The following MYO3B variants were observed in gnomAD, a reference collection of about 807,000 sequenced individuals.
MYO3B encodes myosin IIIB.
Under a neutral mutation model 174.6 loss-of-function variants are expected in MYO3B, and 156 were observed. The observed-to-expected ratio is 0.89, with a 90% CI of 0.78 to 1.02. MYO3B has a LOEUF of 1.02. MYO3B is among the 50% of genes least tolerant of loss of function. MYO3B has a pLI of 0.00. For synonymous variants in MYO3B, 563 were observed against 569.1 expected (o/e 0.99, Z 0.15); for missense variants, 1,632 against 1,639.4 (o/e 1.00, Z 0.08).
chr2:170,401,351 A>T, intron 17 of MYO3B, 130 bp from the exon 18 acceptor site: 1 of 777,930 alleles, frequency 1.3e-6, no homozygotes, highest in Non-Finnish European at 2.1e-6. Flanking sequence ...TTAGGGATCT[A>T]GCCTGTTTAT....
At chr2:170,380,931 C>G (rs968116321) in intron 9 of MYO3B, among the ~76,000 whole-genome samples, 2 of 152,118 alleles carry the variant, frequency 1.3e-5, no homozygotes, top group African/African-American at 4.8e-5. Flanking sequence ...GCCTGGACAA[C>G]AAAGCAAAAC....
At chr2:170,489,698 T>A (rs1254090790) in intron 25 of MYO3B, among the ~76,000 whole-genome samples, 2 of 149,506 alleles carry the variant, frequency 1.3e-5, no homozygotes, top group Admixed American at 1.3e-4. Context: ...TGTGGGTAAG[T>A]GTGTGTGGTG....
intron 7 of MYO3B, among the ~76,000 whole-genome samples, chr2:170,245,176 G>T (rs1401992054): frequency 6.6e-6 from 1 of 152,170 alleles, no homozygotes; most frequent in East Asian, 1.9e-4. Context: ...TCAAGGAAGG[G>T]GTGGTTGGTG....
intron 7 of MYO3B, among the ~76,000 whole-genome samples, chr2:170,316,382 A>C (rs1186756451): frequency 6.6e-6 from 1 of 152,188 alleles, no homozygotes; most frequent in African/African-American, 2.4e-5. Context: ...TCTTCCAAAG[A>C]ATTTGTTTTT....
At chr2:170,518,316 G>T (rs899199235) in intron 29 of MYO3B, among the ~76,000 whole-genome samples, 1 of 152,110 alleles carries the variant, frequency 6.6e-6, no homozygotes, top group Non-Finnish European at 1.5e-5. Context: ...TCCACAGTAA[G>T]TCACAATTCC....
At chr2:170,430,999 C>T (rs1224036781) in intron 22 of MYO3B, among the ~76,000 whole-genome samples, 1 of 152,100 alleles carries the variant, frequency 6.6e-6, no homozygotes, top group Non-Finnish European at 1.5e-5. Flanking sequence ...TGATTTTGCC[C>T]AGGACCATCC....
At chr2:170,400,420 T>TTTTTTA (rs1553482693) in intron 17 of MYO3B, 106 bp downstream of exon 17, 4 of 1,213,204 alleles carry the variant, frequency 3.3e-6, no homozygotes, top group Admixed American at 2.5e-5. Context: ...TTTTTTTTTT[T>TTTTTTA]ATCGAGATGG....
chr2:170,634,015 C>T (rs1012625158), intron 32 of MYO3B, among the ~76,000 whole-genome samples: 3 of 152,126 alleles, frequency 2.0e-5, no homozygotes, highest in Non-Finnish European at 4.4e-5. Context: ...TAGGAAGAAT[C>T]AATATTGTGA....
In MYO3B at chr2:170,400,315, G is replaced by T. The variant is rs1442598497; in HGVS notation, c.1918+1G>T. The T allele has an allele frequency of 1.2e-6, 2 of 1,613,574 alleles. No individual in the cohort carries two copies. Among genetic ancestry groups the T allele is most frequent in the African/African-American group, 2.7e-5 (2 of 74,914 alleles). On this transcript the variant is annotated splice_donor_variant, in intron 17 of 34. Coordinates refer to ENST00000408978, the MANE Select transcript of MYO3B (RefSeq NM_138995.5). LOFTEE classifies it high-confidence loss of function. ...CCCAATGCTGAAGCTTTGCAAAATG[G>T]TAATTATTTGATATTTGTGGGCTGT... is the stretch of plus-strand genomic sequence containing the variant.
intron 25 of MYO3B, among the ~76,000 whole-genome samples, chr2:170,481,610 A>G (rs1292549724): frequency 1.3e-5 from 2 of 152,188 alleles, no homozygotes; most frequent in Non-Finnish European, 2.9e-5. Context: ...GTAAAGAAGA[A>G]TATTCCATGA....
intron 7 of MYO3B, among the ~76,000 whole-genome samples, chr2:170,247,412 A>G (rs982506172): frequency 9.2e-5 from 14 of 152,204 alleles, no homozygotes; most frequent in Admixed American, 5.2e-4. Context: ...AAACCTGCAC[A>G]GAGGGCAGGC....
At chr2:170,447,495 T>G (rs1164819381) in intron 23 of MYO3B, among the ~76,000 whole-genome samples, 1 of 152,246 alleles carries the variant, frequency 6.6e-6, no homozygotes, top group East Asian at 1.9e-4. Context: ...TGCCAAAATC[T>G]AGATGGTTTA....
intron 21 of MYO3B, 63 bp from the exon 22 acceptor site, chr2:170,407,652 G>A (rs2094518894): frequency 1.2e-6 from 2 of 1,600,898 alleles, no homozygotes; most frequent in Admixed American, 1.7e-5. Context: ...TAGGCAAGTT[G>A]CCAGTGTCAC....
At chr2:170,502,598 T>C (rs1687346268) in intron 28 of MYO3B, among the ~76,000 whole-genome samples, 1 of 19,804 alleles carries the variant, frequency 5.0e-5, no homozygotes, top group African/African-American at 5.5e-5. Flanking sequence ...CAGTGTCCAC[T>C]GTGGGTGCGG....
At chr2:170,552,130 T>C (rs1056513166) in intron 32 of MYO3B, among the ~76,000 whole-genome samples, 4 of 151,964 alleles carry the variant, frequency 2.6e-5, no homozygotes, top group Non-Finnish European at 4.4e-5. Flanking sequence ...ATACAGAAAA[T>C]TGGTACCAGG....
intron 30 of MYO3B, among the ~76,000 whole-genome samples, chr2:170,527,390 T>C (rs1689072371): frequency 6.6e-6 from 1 of 152,250 alleles, no homozygotes; most frequent in African/African-American, 2.4e-5. Context: ...CAGACATGTT[T>C]TGTTTGGCCT....
intron 7 of MYO3B, among the ~76,000 whole-genome samples, chr2:170,328,623 G>T (rs548676223): frequency 6.6e-6 from 1 of 152,204 alleles, no homozygotes; most frequent in Non-Finnish European, 1.5e-5. Flanking sequence ...ATGACATGTG[G>T]CATATGTAAG....
At chr2:170,606,699 T>G (rs933647200) in intron 32 of MYO3B, among the ~76,000 whole-genome samples, 4 of 152,208 alleles carry the variant, frequency 2.6e-5, no homozygotes, top group Non-Finnish European at 5.9e-5. Flanking sequence ...CAACATTTTC[T>G]CTAACTCTGC....
At chr2:170,363,266 A>G (rs1304495578) in intron 8 of MYO3B, among the ~76,000 whole-genome samples, 1 of 152,142 alleles carries the variant, frequency 6.6e-6, no homozygotes, top group Admixed American at 6.5e-5. Flanking sequence ...GCCCCAATGT[A>G]TGGAATACAT....
Sources: gnomAD v4.1 joint callset for allele counts (sites outside exome capture counted in the v4.1 genomes callset) on GRCh38, gnomAD v4.1.1 for gene constraint, MANE v1.5 for transcripts, NCBI Gene and HGNC (gene_info 2026-07-23, HGNC 2026-07-21) for gene names.